PTPRD: variants seen among roughly 807,000 people sequenced by gnomAD.
PTPRD encodes protein tyrosine phosphatase receptor type D, also known as receptor-type tyrosine-protein phosphatase delta.
A neutral mutation model predicts 214.5 loss-of-function variants in PTPRD; 34 were observed. The observed-to-expected ratio is 0.16, with a 90% CI of 0.12 to 0.21. The LOEUF is 0.21. Ranked by LOEUF, PTPRD falls within the 10% of genes least tolerant of loss-of-function variation. PTPRD has a pLI of 1.00. For synonymous variants in PTPRD, 1,128 were observed against 845.7 expected, an observed-to-expected ratio of 1.33 and a Z score of -5.79; for missense variants, 2,545 against 2,398.7, an observed-to-expected ratio of 1.06 and a Z score of -1.27.
intron 5 of PTPRD, among the ~76,000 whole-genome samples, chr9:9,840,761 C>CAAAAAAAAAAAAAAAAAAAAAA (rs59780411): frequency 4.9e-5 from 3 of 61,620 alleles, no homozygotes; most frequent in Non-Finnish European, 7.9e-5. Context: ...GACTCCGTTT[C>CAAAAAAAAAAAAAAAAAAAAAA]AAAAAAAAAA....
Position 10,236,527 on chromosome 9 carries a change from C to G in PTPRD, c.-545+104436G>C, listed in dbSNP as rs1328827470. On this transcript the variant is annotated intron_variant, in intron 3 of 45. Transcript: ENST00000381196. The stretch of plus-strand genomic sequence containing the variant: ...CCGCAGTTTTCTTAATTGCATTTTC[C>G]CAGCACATTCTATTATATTTGCAGT... Among the ~76,000 whole-genome samples the G allele has an allele frequency of 2.6e-5, 4 of 151,910 alleles. No homozygotes were observed. In the South Asian group the frequency reaches 6.2e-4, roughly 24 times the overall value.
chr9:9,282,181 T>A (rs905072847), intron 9 of PTPRD, among the ~76,000 whole-genome samples: 3 of 151,380 alleles, frequency 2.0e-5, no homozygotes, highest in African/African-American at 7.2e-5. Flanking sequence ...GGTGGACACA[T>A]GCCATTATAC....
At chr9:9,993,576 A>G (rs1414798335) in intron 4 of PTPRD, among the ~76,000 whole-genome samples, 1 of 152,198 alleles carries the variant, frequency 6.6e-6, no homozygotes, top group Non-Finnish European at 1.5e-5. Flanking sequence ...GATTCATTTT[A>G]TATATAATTT....
chr9:9,706,349 T>G (rs2097606543), intron 7 of PTPRD, among the ~76,000 whole-genome samples: 1 of 152,314 alleles, frequency 6.6e-6, no homozygotes, highest in Admixed American at 6.5e-5. Context: ...TCATGAAGTT[T>G]CCTTCCAATG....
chr9:10,268,918 T>C (rs1212374275), intron 3 of PTPRD, among the ~76,000 whole-genome samples: 2 of 152,226 alleles, frequency 1.3e-5, no homozygotes. Context: ...TTTGTTGTCC[T>C]GTGCGTTGTA....
At chr9:9,471,904 C>T (rs1367719354) in intron 8 of PTPRD, among the ~76,000 whole-genome samples, 1 of 152,104 alleles carries the variant, frequency 6.6e-6, no homozygotes, top group African/African-American at 2.4e-5. Flanking sequence ...TTGAGGATTA[C>T]ATTTTAATGA....
At chr9:9,735,200 G>C (rs1057134592) in intron 6 of PTPRD, among the ~76,000 whole-genome samples, 5 of 152,086 alleles carry the variant, frequency 3.3e-5, no homozygotes, top group Non-Finnish European at 7.4e-5. Flanking sequence ...ACCTGCCATG[G>C]GATGCAAAGG....
intron 9 of PTPRD, among the ~76,000 whole-genome samples, chr9:9,223,972 G>C (rs1244108399): frequency 6.6e-6 from 1 of 151,956 alleles, no homozygotes; most frequent in Non-Finnish European, 1.5e-5. Flanking sequence ...AAAGGATATA[G>C]AACTAAGTAT....
chr9:9,734,883 A>G (rs1394566911), intron 6 of PTPRD, among the ~76,000 whole-genome samples: 1 of 152,142 alleles, frequency 6.6e-6, no homozygotes, highest in Non-Finnish European at 1.5e-5. Context: ...GGAGATTATT[A>G]TTAAATGCAC....
intron 11 of PTPRD, among the ~76,000 whole-genome samples, chr9:9,016,741 A>C (rs930894686): frequency 6.6e-6 from 1 of 152,136 alleles, no homozygotes; most frequent in Non-Finnish European, 1.5e-5. Flanking sequence ...GGGTGGCTTC[A>C]CTTGCAGGGA....
chr9:8,482,778 C>T (rs17650044), intron 30 of PTPRD, among the ~76,000 whole-genome samples: 24,378 of 152,158 alleles, frequency 0.16, 2,434 homozygotes, highest in East Asian at 0.25. Flanking sequence ...TGTGGCCAGG[C>T]GCTCTGGGAT....
intron 3 of PTPRD, among the ~76,000 whole-genome samples, chr9:10,197,702 C>A (rs995750251): frequency 6.6e-6 from 1 of 152,018 alleles, no homozygotes. Context: ...TCAGGAAAAG[C>A]AGAGTCCTGA....
chr9:9,523,736 T>G, intron 8 of PTPRD, among the ~76,000 whole-genome samples: 1 of 152,290 alleles, frequency 6.6e-6, no homozygotes, highest in African/African-American at 2.4e-5. Context: ...TGAGACAGCA[T>G]GTGGTCCTGG....
chr9:10,010,885 G>C (rs2096584359), intron 4 of PTPRD, among the ~76,000 whole-genome samples: 1 of 151,284 alleles, frequency 6.6e-6, no homozygotes, highest in Non-Finnish European at 1.5e-5. Flanking sequence ...AATTGTTCTA[G>C]TCAAAAGAAA....
At chr9:10,291,963 G>A (rs1347054711) in intron 3 of PTPRD, among the ~76,000 whole-genome samples, 2 of 151,956 alleles carry the variant, frequency 1.3e-5, no homozygotes. Context: ...CTGGTTAATG[G>A]GTTTACATTT....
chr9:9,116,065 A>G (rs2099812083), intron 10 of PTPRD, among the ~76,000 whole-genome samples: 1 of 152,052 alleles, frequency 6.6e-6, no homozygotes, highest in African/African-American at 2.4e-5. Flanking sequence ...TGAGAGGGTG[A>G]CTGGAAGGAG....
At chr9:9,735,335 A>G (rs1054010876) in intron 6 of PTPRD, among the ~76,000 whole-genome samples, 1 of 152,172 alleles carries the variant, frequency 6.6e-6, no homozygotes, top group African/African-American at 2.4e-5. Context: ...TATAAAATAA[A>G]GGAGATTATT....
chr9:9,311,906 A>G (rs575618170), intron 9 of PTPRD, among the ~76,000 whole-genome samples: 3 of 152,178 alleles, frequency 2.0e-5, no homozygotes, highest in Non-Finnish European at 4.4e-5. Flanking sequence ...AATATTCCTA[A>G]TCTTGCACAT....
intron 39 of PTPRD, among the ~76,000 whole-genome samples, chr9:8,356,046 T>C (rs551801789): frequency 6.6e-6 from 1 of 152,310 alleles, no homozygotes; most frequent in East Asian, 1.9e-4. Context: ...TCCTTAGCAA[T>C]GTAAAGTTCA....
Sources: gnomAD v4.1 joint callset for allele counts (sites outside exome capture counted in the v4.1 genomes callset) on GRCh38, gnomAD v4.1.1 for gene constraint, MANE v1.5 for transcripts, NCBI Gene and HGNC (gene_info 2026-07-23, HGNC 2026-07-21) for gene names.